Variants in FBXL2 observed in about 807,000 individuals in gnomAD.
FBXL2 encodes the protein F-box and leucine rich repeat protein 2, also known as F-box/LRR-repeat protein 2.
FBXL2 carries 38 observed loss-of-function variants against 69.2 expected under a neutral mutation model. The ratio of observed to expected loss-of-function variants is 0.55; its 90% CI spans 0.42 to 0.72. FBXL2 has a LOEUF of 0.72. Among genes scored for constraint, FBXL2 ranks in the 30% least tolerant of loss-of-function variants. The pLI, the probability that FBXL2 is intolerant of heterozygous loss-of-function variation, is 0.00. For synonymous variants in FBXL2, 192 were observed against 201.3 expected (o/e 0.95, Z 0.39); for missense variants, 354 against 520.3 (o/e 0.68, Z 3.11).
intron 1 of FBXL2, among the ~76,000 whole-genome samples, chr3:33,287,045 G>A (rs1425201425): frequency 1.3e-5 from 2 of 152,156 alleles, no homozygotes; most frequent in Non-Finnish European, 2.9e-5. Flanking sequence ...ACAAGCCCCA[G>A]TGAGATGAAC....
At chr3:33,297,163 A>T (rs2035823606) in intron 1 of FBXL2, among the ~76,000 whole-genome samples, 1 of 152,078 alleles carries the variant, frequency 6.6e-6, no homozygotes, top group African/African-American at 2.4e-5. Context: ...GCTGTTGTAA[A>T]TGGGATTGTT....
At chr3:33,412,598 GAC>G in the FBXL2 span, 2 of 540,552 alleles carry the variant, frequency 3.7e-6, no homozygotes, top group Admixed American at 3.3e-5. Flanking sequence ...AAAAAAAAAA[GAC>G]ACAAAATCCA....
intron 9 of FBXL2, 117 bp from the exon 10 acceptor site, chr3:33,375,171 G>T (rs988044382): frequency 1.6e-6 from 2 of 1,225,152 alleles, no homozygotes; most frequent in African/African-American, 3.0e-5. Context: ...GAAGTTATTT[G>T]GATAAAATGC....
At chr3:33,422,334 A>G in the FBXL2 span, among the ~76,000 whole-genome samples, 1 of 152,094 alleles carries the variant, frequency 6.6e-6, no homozygotes, top group Non-Finnish European at 1.5e-5. Flanking sequence ...TGAGCCCAGG[A>G]GTACAAAAAC....
intron 12 of FBXL2, among the ~76,000 whole-genome samples, chr3:33,394,904 C>T (rs1312020073): frequency 6.8e-6 from 1 of 147,960 alleles, no homozygotes; most frequent in Non-Finnish European, 1.5e-5. Context: ...TTTAGCACTA[C>T]AATCACAGAG....
At chr3:33,354,311 C>T (rs968434206) in intron 2 of FBXL2, among the ~76,000 whole-genome samples, 7 of 151,884 alleles carry the variant, frequency 4.6e-5, no homozygotes, top group Non-Finnish European at 1.0e-4. Context: ...GTCAGGAGTT[C>T]GAGACCAGCC....
At chr3:33,292,732 TA>T (rs535296874) in intron 1 of FBXL2, among the ~76,000 whole-genome samples, 50 of 147,460 alleles carry the variant, frequency 3.4e-4, no homozygotes, top group African/African-American at 7.7e-4. Context: ...GCAGAATGGA[TA>T]AAAAAAAAAC....
chr3:33,320,395 A>G (rs2038088912), intron 2 of FBXL2, among the ~76,000 whole-genome samples: 1 of 152,202 alleles, frequency 6.6e-6, no homozygotes, highest in Non-Finnish European at 1.5e-5. Context: ...AAAAATCATA[A>G]TTGAATTAAA....
intron 2 of FBXL2, among the ~76,000 whole-genome samples, chr3:33,335,094 T>G (rs796822472): frequency 1.3e-4 from 20 of 148,816 alleles, no homozygotes; most frequent in African/African-American, 5.0e-4. Flanking sequence ...GAGTGAGACC[T>G]TGTCTCAAAT....
chr3:33,323,539 TA>T (rs1221288414), intron 2 of FBXL2, among the ~76,000 whole-genome samples: 1 of 152,084 alleles, frequency 6.6e-6, no homozygotes, highest in African/African-American at 2.4e-5. Flanking sequence ...AGCTCTCACT[TA>T]CGAGTGAGAA....
chr3:33,344,677 ATAAAT>A (rs1275924741), intron 2 of FBXL2, among the ~76,000 whole-genome samples: 2 of 152,226 alleles, frequency 1.3e-5, no homozygotes, highest in Non-Finnish European at 2.9e-5. Flanking sequence ...TTGGAAGGAA[ATAAAT>A]TAAAACTAAA....
At chr3:33,329,364 T>TA (rs966708220) in intron 2 of FBXL2, among the ~76,000 whole-genome samples, 12 of 152,214 alleles carry the variant, frequency 7.9e-5, no homozygotes, top group Admixed American at 1.3e-4. Flanking sequence ...TGGAGGTTCC[T>TA]AAAAAAATTT....
chr3:33,397,185 A>G, intron 12 of FBXL2: 1 of 1,412,460 alleles, frequency 7.1e-7, no homozygotes, highest in Non-Finnish European at 9.7e-7. Context: ...AAAGAACAGA[A>G]CTGCTTTACA....
intron 2 of FBXL2, among the ~76,000 whole-genome samples, chr3:33,299,673 GTGT>G (rs2036089683): frequency 6.6e-6 from 1 of 152,068 alleles, no homozygotes; most frequent in African/African-American, 2.4e-5. Flanking sequence ...TAGTCATCAG[GTGT>G]TGTTTGACAC....
chr3:33,396,241 C>T, intron 12 of FBXL2: 1 of 1,590,428 alleles, frequency 6.3e-7, no homozygotes, highest in Non-Finnish European at 8.6e-7. Flanking sequence ...TGCTTGGCTG[C>T]TCCCGGCAGA....
intron 12 of FBXL2, chr3:33,401,087 A>T: frequency 7.0e-7 from 1 of 1,422,968 alleles, no homozygotes; most frequent in Non-Finnish European, 9.5e-7. Flanking sequence ...AGGCATTAAA[A>T]GCTGTTGCAT....
chr3:33,337,310 T>A (rs1279077233), intron 2 of FBXL2, among the ~76,000 whole-genome samples: 2 of 151,860 alleles, frequency 1.3e-5, no homozygotes, highest in African/African-American at 2.4e-5. Context: ...GAACTACAAA[T>A]CTATCAGAAA....
At chr3:33,288,098 G>A (rs956267289) in intron 1 of FBXL2, among the ~76,000 whole-genome samples, 1 of 152,226 alleles carries the variant, frequency 6.6e-6, no homozygotes, top group African/African-American at 2.4e-5. Flanking sequence ...CAGCACTAGG[G>A]TGGCCATGAG....
At chr3:33,411,484 T>G in the FBXL2 span, 1 of 1,025,960 alleles carries the variant, frequency 9.7e-7, no homozygotes. Flanking sequence ...AGTTTATAAA[T>G]AGACATTTAA....
Sources: gnomAD v4.1 joint callset for allele counts (sites outside exome capture counted in the v4.1 genomes callset) on GRCh38, gnomAD v4.1.1 for gene constraint, MANE v1.5 for transcripts, NCBI Gene and HGNC (gene_info 2026-07-23, HGNC 2026-07-21) for gene names.